Variants in ARHGAP15 observed in about 807,000 individuals in gnomAD.
ARHGAP15 encodes Rho GTPase activating protein 15, also known as rho GTPase-activating protein 15.
In ARHGAP15, 51 loss-of-function variants were observed where a neutral mutation model predicts 63.7. The ratio of observed to expected loss-of-function variants is 0.80; its 90% CI spans 0.64 to 1.01. The LOEUF is 1.01. Among genes scored for constraint, ARHGAP15 ranks in the 50% least tolerant of loss-of-function variants. The pLI is 0.00. For missense variants in ARHGAP15, 560 were observed against 564.6 expected (o/e 0.99, Z 0.08); for synonymous variants, 191 against 193.8 (o/e 0.99, Z 0.12).
intron 12 of ARHGAP15, among the ~76,000 whole-genome samples, chr2:143,658,638 AT>A (rs968646031): frequency 4.6e-5 from 7 of 151,072 alleles, no homozygotes; most frequent in African/African-American, 1.7e-4. Flanking sequence ...ACTCAGGCCC[AT>A]TTTTTTTTCT....
chr2:143,402,355 T>C (rs1359243267), intron 6 of ARHGAP15, among the ~76,000 whole-genome samples: 1 of 151,866 alleles, frequency 6.6e-6, no homozygotes. Context: ...GGCACAGATA[T>C]TCTGTTGTTT....
intron 8 of ARHGAP15, among the ~76,000 whole-genome samples, chr2:143,479,675 C>G (rs146919990): frequency 9.1e-4 from 139 of 152,012 alleles, no homozygotes; most frequent in Non-Finnish European, 1.1e-3. Context: ...TCATAAGAAG[C>G]CCAGTTAAAA....
At chr2:143,503,545 C>T (rs961439946) in intron 9 of ARHGAP15, among the ~76,000 whole-genome samples, 3 of 152,190 alleles carry the variant, frequency 2.0e-5, no homozygotes, top group Non-Finnish European at 4.4e-5. Context: ...AAGCAAGTAG[C>T]GTAGCAAACA....
intron 6 of ARHGAP15, among the ~76,000 whole-genome samples, chr2:143,283,782 T>C (rs757661305): frequency 3.3e-5 from 5 of 152,222 alleles, no homozygotes; most frequent in African/African-American, 1.2e-4. Flanking sequence ...TGTCTTTCTA[T>C]CCAGGTCTGT....
rs73961822 is a variant in ARHGAP15 at position 143,648,705 on chromosome 2, G to C, written c.1138+24438G>C. 5.0e-3 allele frequency: 766 copies of C among 152,068 alleles called. 4 individuals carry two copies. Among genetic ancestry groups the C allele is most frequent in the African/African-American group, 0.018 (730 of 41,506 alleles). The allele number at this position is 152,068 out of a possible 1,614,324, so 9.4% of individuals were successfully genotyped here. A position where few individuals can be genotyped will look rare whatever the true frequency, so the allele number is the denominator to read the frequency against. ...ATGGCTTTAAATTTCTAAATGAAAA[G>C]AGTTACCTTGTATCCAGTATGGTAG... is the stretch of plus-strand genomic sequence containing the variant. On this transcript the variant is annotated intron_variant, in intron 12 of 13. Transcript: ENST00000295095.
chr2:143,185,224 G>T (rs1008551901), intron 2 of ARHGAP15, among the ~76,000 whole-genome samples: 1 of 152,094 alleles, frequency 6.6e-6, no homozygotes, highest in Admixed American at 6.6e-5. Flanking sequence ...CTGCTCATCT[G>T]TTTACTAGAA....
intron 6 of ARHGAP15, among the ~76,000 whole-genome samples, chr2:143,315,857 G>A (rs1449166529): frequency 1.4e-5 from 2 of 144,504 alleles, no homozygotes; most frequent in Non-Finnish European, 2.9e-5. Flanking sequence ...GGCAGAGGCG[G>A]GTGGATCACC....
intron 2 of ARHGAP15, chr2:143,162,014 G>A (rs778762929): frequency 2.4e-4 from 37 of 151,918 alleles, no homozygotes; most frequent in Non-Finnish European, 8.8e-5. Context: ...GGAAATATTG[G>A]GATAGTTTAC....
At chr2:143,241,311 T>A (rs1693851212) in intron 5 of ARHGAP15, among the ~76,000 whole-genome samples, 1 of 152,204 alleles carries the variant, frequency 6.6e-6, no homozygotes, top group South Asian at 2.1e-4. Context: ...TAATGATAAA[T>A]TTATTTTCAC....
intron 12 of ARHGAP15, among the ~76,000 whole-genome samples, chr2:143,661,248 G>T (rs555088840): frequency 6.6e-6 from 1 of 152,270 alleles, no homozygotes; most frequent in East Asian, 1.9e-4. Context: ...CACTTGCAAA[G>T]TCCCCTTTGC....
At chr2:143,434,733 G>T (rs1339928863) in intron 6 of ARHGAP15, among the ~76,000 whole-genome samples, 1 of 152,120 alleles carries the variant, frequency 6.6e-6, no homozygotes, top group Non-Finnish European at 1.5e-5. Context: ...AATCTTCACA[G>T]TTCAGATTGA....
At chr2:143,523,153 A>G (rs1254412834) in intron 10 of ARHGAP15, among the ~76,000 whole-genome samples, 1 of 152,120 alleles carries the variant, frequency 6.6e-6, no homozygotes, top group Non-Finnish European at 1.5e-5. Flanking sequence ...ATCGAAGCCA[A>G]ATAGCTATTG....
chr2:143,340,107 C>CA (rs900145431), intron 6 of ARHGAP15, among the ~76,000 whole-genome samples: 3 of 152,072 alleles, frequency 2.0e-5, no homozygotes, highest in Admixed American at 6.6e-5. Context: ...ATGAAAAAGA[C>CA]AAAAAAATAG....
At chr2:143,746,167 A>G (rs1316197107) in intron 13 of ARHGAP15, among the ~76,000 whole-genome samples, 1 of 152,224 alleles carries the variant, frequency 6.6e-6, no homozygotes, top group African/African-American at 2.4e-5. Flanking sequence ...AGACTTTTCA[A>G]CACGAACCTC....
intron 4 of ARHGAP15, among the ~76,000 whole-genome samples, chr2:143,224,597 G>A (rs997932080): frequency 2.6e-5 from 4 of 152,088 alleles, no homozygotes; most frequent in Non-Finnish European, 5.9e-5. Context: ...ACCTATCCTG[G>A]CTAAGGCTTT....
At chr2:143,360,788 T>C (rs1043622995) in intron 6 of ARHGAP15, among the ~76,000 whole-genome samples, 1 of 152,200 alleles carries the variant, frequency 6.6e-6, no homozygotes, top group Admixed American at 6.6e-5. Context: ...ACAGGTGATA[T>C]CTCCAAGCAA....
chr2:143,440,018 G>C (rs1425472344), intron 8 of ARHGAP15, among the ~76,000 whole-genome samples: 1 of 151,758 alleles, frequency 6.6e-6, no homozygotes, highest in Non-Finnish European at 1.5e-5. Context: ...TCTGTATCTT[G>C]GTGAGTATGT....
At chr2:143,551,539 T>C (rs971586905) in intron 10 of ARHGAP15, among the ~76,000 whole-genome samples, 5 of 152,310 alleles carry the variant, frequency 3.3e-5, no homozygotes, top group South Asian at 2.1e-4. Flanking sequence ...TATTGTTCTG[T>C]ATGGTTCAAT....
chr2:143,410,869 A>G (rs1688412004), intron 6 of ARHGAP15, among the ~76,000 whole-genome samples: 1 of 149,276 alleles, frequency 6.7e-6, no homozygotes, highest in Non-Finnish European at 1.5e-5. Flanking sequence ...AGGGATTTAT[A>G]TGATCATGAT....
Sources: gnomAD v4.1 joint callset for allele counts (sites outside exome capture counted in the v4.1 genomes callset) on GRCh38, gnomAD v4.1.1 for gene constraint, MANE v1.5 for transcripts, NCBI Gene and HGNC (gene_info 2026-07-23, HGNC 2026-07-21) for gene names.